The following TFCP2 variants were observed in gnomAD, a reference collection of about 807,000 sequenced individuals.
TFCP2 encodes transcription factor CP2.
Under a neutral mutation model 73.4 loss-of-function variants are expected in TFCP2, and 33 were observed. The observed-to-expected ratio is 0.45, with a 90% CI of 0.34 to 0.60. TFCP2 has a LOEUF of 0.60. Among genes scored for constraint, TFCP2 ranks in the 20% least tolerant of loss-of-function variants. The probability of loss-of-function intolerance (pLI) is 0.01; values close to 1 mark genes in which losing one functional copy is unlikely to be tolerated. For synonymous variants in TFCP2, 193 were observed against 211.6 expected, an observed-to-expected ratio of 0.91 and a Z score of 0.76; for missense variants, 352 against 604.0, an observed-to-expected ratio of 0.58 and a Z score of 4.37.
intron 1 of TFCP2, among the ~76,000 whole-genome samples, chr12:51,159,010 A>C (rs867285420): frequency 0.094 from 7,251 of 77,508 alleles, 492 homozygotes; most frequent in Non-Finnish European, 0.14. Flanking sequence ...AAAAATCCAA[A>C]AAAAAAAAAA....
At chr12:51,147,460 T>C (rs1423264544) in intron 1 of TFCP2, among the ~76,000 whole-genome samples, 2 of 150,932 alleles carry the variant, frequency 1.3e-5, no homozygotes, top group Non-Finnish European at 2.9e-5. Flanking sequence ...ATAGTGAGAG[T>C]CGACTATCAG....
At chr12:51,108,521 C>T (rs1201927356) in intron 6 of TFCP2, among the ~76,000 whole-genome samples, 2 of 152,122 alleles carry the variant, frequency 1.3e-5, no homozygotes, top group Non-Finnish European at 2.9e-5. Flanking sequence ...CACCTGTAAT[C>T]CCAGTACTTT....
intron 13 of TFCP2, among the ~76,000 whole-genome samples, chr12:51,098,494 C>T (rs1484396779): frequency 6.6e-6 from 1 of 151,936 alleles, no homozygotes. Context: ...GGCGTGGTGG[C>T]GCACGCCTGT....
At chr12:51,118,501 G>A in intron 2 of TFCP2, 120 bp downstream of exon 2, 5 of 1,239,462 alleles carry the variant, frequency 4.0e-6, no homozygotes, top group Non-Finnish European at 5.6e-6. Flanking sequence ...CTTGCAGTGA[G>A]CCAAGATGGC....
At chr12:51,125,054 C>G in intron 1 of TFCP2, 1 of 749,158 alleles carries the variant, frequency 1.3e-6, no homozygotes, top group South Asian at 1.4e-5. Context: ...TCGTGATGTA[C>G]GTCAGCACAG....
At chr12:51,115,245 G>C (rs1241912385) in intron 4 of TFCP2, among the ~76,000 whole-genome samples, 1 of 150,794 alleles carries the variant, frequency 6.6e-6, no homozygotes, top group East Asian at 2.1e-4. Context: ...TCAGCCTCCT[G>C]GGTAGCTGGG....
intron 1 of TFCP2, among the ~76,000 whole-genome samples, chr12:51,131,182 A>T (rs1023391915): frequency 4.6e-5 from 7 of 151,446 alleles, no homozygotes; most frequent in Non-Finnish European, 1.0e-4. Context: ...AAAAAAACAA[A>T]AAATTAGCTG....
intron 2 of TFCP2, among the ~76,000 whole-genome samples, chr12:51,118,244 A>G (rs975525305): frequency 6.6e-6 from 1 of 152,206 alleles, no homozygotes; most frequent in Non-Finnish European, 1.5e-5. Flanking sequence ...GTTTTTACAT[A>G]TAAGTGTACC....
chr12:51,111,023 C>G, intron 4 of TFCP2, 40 bp from the exon 5 acceptor site: 1 of 1,352,848 alleles, frequency 7.4e-7, no homozygotes, highest in Non-Finnish European at 1.1e-6. Context: ...ATTTTGAGGG[C>G]CACTCAGTTT....
intron 1 of TFCP2, among the ~76,000 whole-genome samples, chr12:51,120,178 A>AAAAAAAAAAAAAAAAAAAAAAAAAAAAAC: frequency 1.2e-4 from 1 of 8,582 alleles, no homozygotes; most frequent in African/African-American, 4.0e-4. Context: ...ACTCTGTCTC[A>AAAAAAAAAAAAAAAAAAAAAAAAAAAAAC]AAAAAAAAAA....
At chr12:51,095,843 TA>T in intron 14 of TFCP2, 145 bp downstream of exon 14, 6 of 416,202 alleles carry the variant, frequency 1.4e-5, no homozygotes, top group East Asian at 8.5e-5. Context: ...AAAGCCAACT[TA>T]AAAAAAGGAA....
chr12:51,163,504 C>T (rs190709241), intron 1 of TFCP2, among the ~76,000 whole-genome samples: 165 of 152,100 alleles, frequency 1.1e-3, no homozygotes, highest in African/African-American at 3.0e-3. Context: ...GCAGGAGAAT[C>T]GCTTGAACTT....
At chr12:51,104,432 T>G (rs923805223) in intron 8 of TFCP2, among the ~76,000 whole-genome samples, 3 of 152,174 alleles carry the variant, frequency 2.0e-5, no homozygotes, top group African/African-American at 7.2e-5. Flanking sequence ...TTCTTATTAT[T>G]GAGGAAACTG....
At chr12:51,154,617 C>A (rs4768873) in intron 1 of TFCP2, among the ~76,000 whole-genome samples, 13,441 of 152,194 alleles carry the variant, frequency 0.088, 638 homozygotes, top group Middle Eastern at 0.11. Context: ...TTGCTTGAAC[C>A]TGGGAGGTGG....
At chr12:51,165,464 CA>C (rs1941737334) in intron 1 of TFCP2, among the ~76,000 whole-genome samples, 1 of 150,610 alleles carries the variant, frequency 6.6e-6, no homozygotes, top group Admixed American at 6.6e-5. Context: ...AAACACTCAG[CA>C]AAAGTTCAAA....
intron 1 of TFCP2, among the ~76,000 whole-genome samples, chr12:51,129,631 T>C (rs981728419): frequency 6.6e-6 from 1 of 151,970 alleles, no homozygotes; most frequent in Non-Finnish European, 1.5e-5. Context: ...CAAAGAAGTC[T>C]TTTTAGTTCT....
In TFCP2 at chr12:51,107,360, T is replaced by C; in HGVS notation, c.718-14A>G. The C allele has an allele frequency of 1.3e-6, 2 of 1,598,866 alleles. No individual in the cohort carries two copies. The highest frequency in any genetic ancestry group is 1.7e-6 in the Non-Finnish European group (2 of 1,174,016). ...TGCACCTTTGGGCTGAAATGAGAAA[T>C]ATTTTGTTTTAAATTCAGGTACTCA... On this transcript the variant is annotated splice_polypyrimidine_tract_variant and intron_variant, in intron 6 of 14. Coordinates refer to ENST00000257915, the MANE Select transcript of TFCP2 (RefSeq NM_005653.5).
At chr12:51,131,042 G>A (rs982445512) in intron 1 of TFCP2, among the ~76,000 whole-genome samples, 2 of 150,340 alleles carry the variant, frequency 1.3e-5, no homozygotes, top group Non-Finnish European at 3.0e-5. Flanking sequence ...ACAAGGACTA[G>A]ACGCAGTTCG....
At chr12:51,150,385 T>A (rs1941395432) in intron 1 of TFCP2, among the ~76,000 whole-genome samples, 1 of 151,712 alleles carries the variant, frequency 6.6e-6, no homozygotes, top group African/African-American at 2.4e-5. Flanking sequence ...GCCACTGCAC[T>A]CCAGCCTGGG....
Sources: allele counts gnomAD v4.1 joint callset (sites outside exome capture counted in the v4.1 genomes callset), GRCh38; gene constraint gnomAD v4.1.1; transcripts MANE v1.5; gene names NCBI Gene and HGNC (gene_info 2026-07-23, HGNC 2026-07-21).